The following DCAF5 variants were observed in gnomAD, a reference collection of about 807,000 sequenced individuals.
DCAF5 encodes the protein DDB1 and CUL4 associated factor 5.
In DCAF5, 9 loss-of-function variants were observed where a neutral mutation model predicts 80.7. That is an observed-to-expected ratio of 0.11 (90% CI 0.07 to 0.19). The LOEUF is 0.19. Ranked by LOEUF, DCAF5 falls within the 10% of genes least tolerant of loss-of-function variation. DCAF5 has a pLI of 1.00. For missense variants in DCAF5, 842 were observed against 1,205.7 expected (o/e 0.70, Z 4.47); for synonymous variants, 433 against 461.9 (o/e 0.94, Z 0.80).
Position 69,055,303 on chromosome 14 carries a change from A to C in DCAF5, c.1383T>G (p.Ser461=), listed in dbSNP as rs373889132. Residue 461 remains serine (S), a synonymous_variant, in exon 9 of 9, where the codon TCT becomes TCG. Coordinates refer to ENST00000341516, the MANE Select transcript of DCAF5 (RefSeq NM_003861.3). The surrounding 1 kb of genome is among the most constrained non-coding windows in gnomAD (Gnocchi z 5.6). ...SERSGYTDSE[S]SASLPRSPPP... ...GCGGGGAGCGAGGCAATGAGGCCGAAGACTCTGAGTCAGTGTAGCCTGAGC... is the reference window on the plus strand; with the variant it reads ...GCGGGGAGCGAGGCAATGAGGCCGACGACTCTGAGTCAGTGTAGCCTGAGC... 16 of 1,614,084 alleles carry C rather than the reference A, an allele frequency of 9.9e-6. No individual in the cohort carries two copies. The African/African-American group carries it at 1.2e-4, about 12-fold the overall frequency.
chr14:69,110,511 AACTGCCTCGGCCTCCC>A (rs991785014), intron 5 of DCAF5, among the ~76,000 whole-genome samples: 5 of 151,776 alleles, frequency 3.3e-5, no homozygotes, highest in Non-Finnish European at 7.4e-5. Flanking sequence ...CTTGTGATCC[AACTGCCTCGGCCTCCC>A]ACAGTGCTGG....
chr14:69,105,332 A>T (rs929699595), intron 5 of DCAF5, among the ~76,000 whole-genome samples: 3 of 152,240 alleles, frequency 2.0e-5, no homozygotes, highest in Admixed American at 6.5e-5. Flanking sequence ...ATAAAAAAGA[A>T]TGAGACACTA....
chr14:69,152,831 G>A lies in DCAF5; in HGVS notation c.148C>T (p.Leu50Phe). Residue 50 changes from leucine (L) to phenylalanine (F), a missense_variant, in exon 1 of 9, where the codon CTC (leucine) becomes TTC (phenylalanine). Coordinates refer to ENST00000341516, the MANE Select transcript of DCAF5 (RefSeq NM_003861.3). This position sits in a 1 kb window ranked among gnomAD's most constrained non-coding sequence, Gnocchi z 4.1. ...GCATTGACACAGCCGAAGTGGCCGA[G>A]GAGGTCCTTCTTGTAGAGGTTTCTG... is the stretch of plus-strand genomic sequence containing the variant. ...GCRNLYKKDL[L>F]GHFGCVNAIE... 7 of 1,614,118 alleles carry A rather than the reference G, an allele frequency of 4.3e-6. No individual in the cohort carries two copies. Among genetic ancestry groups the A allele is most frequent in the Non-Finnish European group, 5.9e-6 (7 of 1,179,990 alleles).
chr14:69,055,661 TC>T lies in DCAF5; in HGVS notation c.1075-51del, dbSNP rs144494429. On this transcript the variant is annotated intron_variant, in intron 8 of 8. Transcript: ENST00000341516. This position sits in a 1 kb window ranked among gnomAD's most constrained non-coding sequence, Gnocchi z 5.6. ...GCAACAAGGAGTAACTGGAAAGTAT[TC>T]TTTCACTGGTGGTGATAAAGAACAC... 3,963 of 1,533,992 alleles carry T rather than the reference TC, an allele frequency of 2.6e-3. 95 individuals are homozygous for T. In the African/African-American group the frequency reaches 0.046, roughly 18 times the overall value.
At chr14:69,103,084 T>C (rs779364959) in intron 5 of DCAF5, among the ~76,000 whole-genome samples, 1 of 152,224 alleles carries the variant, frequency 6.6e-6, no homozygotes, top group Non-Finnish European at 1.5e-5. Context: ...TGTGGGTCCA[T>C]TATTGACTGA....
chr14:69,152,188 G>A lies in DCAF5; in HGVS notation c.214+577C>T, dbSNP rs1566797729. Among the ~76,000 whole-genome samples, 1 of 152,178 alleles carries A rather than the reference G, an allele frequency of 6.6e-6. No individual in the cohort carries two copies. Among genetic ancestry groups the A allele is most frequent in the Non-Finnish European group, 1.5e-5 (1 of 68,030 alleles). ...GTGCTGGGCCTCTAAGAGCGCCGAG[G>A]GGGGCGGCCCACAGCGACCCTACCG... On this transcript the variant is annotated intron_variant, in intron 1 of 8. Transcript: ENST00000341516. The surrounding 1 kb of genome is among the most constrained non-coding windows in gnomAD (Gnocchi z 4.1).
chr14:69,090,847 T>C (rs1389794251), intron 6 of DCAF5: 3 of 473,660 alleles, frequency 6.3e-6, no homozygotes, highest in Non-Finnish European at 7.5e-6. Context: ...TTTTTCTTTT[T>C]CCCAATCTAT....
At chr14:69,119,120 G>T in intron 3 of DCAF5, 74 bp downstream of exon 3, 1 of 1,480,588 alleles carries the variant, frequency 6.8e-7, no homozygotes, top group Non-Finnish European at 9.2e-7. Context: ...AACTATTTTA[G>T]TCTAAAGAGA....
At chr14:69,058,559 C>T (rs1161596876) in intron 8 of DCAF5, among the ~76,000 whole-genome samples, 1 of 150,060 alleles carries the variant, frequency 6.7e-6, no homozygotes, top group Non-Finnish European at 1.5e-5. Flanking sequence ...TATGGCTAGA[C>T]ATGTCTCATA....
intron 1 of DCAF5, among the ~76,000 whole-genome samples, chr14:69,126,127 C>T (rs1035420541): frequency 1.4e-5 from 2 of 143,784 alleles, no homozygotes; most frequent in Admixed American, 6.9e-5. Context: ...TGAACAAAAT[C>T]AAAGAACTAA....
chr14:69,099,251 A>AACAC (rs60913200), intron 5 of DCAF5, among the ~76,000 whole-genome samples: 10,536 of 124,160 alleles, frequency 0.085, 524 homozygotes, highest in East Asian at 0.22. Flanking sequence ...ACTCTGTCTC[A>AACAC]ACACACACAC....
In DCAF5 at chr14:69,053,703, T is replaced by A; in HGVS notation, c.*154A>T. 1.5e-6 allele frequency: 1 copy of A among 670,484 alleles called. No individual in the cohort carries two copies. Among genetic ancestry groups the A allele is most frequent in the South Asian group, 2.1e-5 (1 of 47,508 alleles). 41.5% of individuals were successfully genotyped at this position (670,484 alleles called of 1,614,324 possible). The stretch of plus-strand genomic sequence containing the variant: ...CTAGACATTCAGACCCGTTGTTGAA[T>A]GTTGGATAGAAGGGAGCAGCATCAG... On this transcript the variant is annotated 3_prime_UTR_variant, in exon 9 of 9. Transcript: ENST00000341516.
intron 6 of DCAF5, among the ~76,000 whole-genome samples, chr14:69,088,165 A>G (rs1392404837): frequency 6.6e-6 from 1 of 152,030 alleles, no homozygotes; most frequent in Non-Finnish European, 1.5e-5. Context: ...AGCCCAATCC[A>G]CTTATTTTTG....
chr14:69,056,851 C>A (rs778802470), intron 8 of DCAF5, among the ~76,000 whole-genome samples: 2 of 152,172 alleles, frequency 1.3e-5, no homozygotes, highest in African/African-American at 2.4e-5. Flanking sequence ...GCTGAAGAAA[C>A]CTTCTAGATT....
chr14:69,065,759 G>A (rs2038414216), intron 7 of DCAF5, among the ~76,000 whole-genome samples: 1 of 152,198 alleles, frequency 6.6e-6, no homozygotes, highest in Non-Finnish European at 1.5e-5. Context: ...AAGTCAAAAT[G>A]CCAATATCAG....
rs998783803 is a variant in DCAF5 at position 69,099,999 on chromosome 14, C to A, written c.666-8112G>T. 3.9e-5 allele frequency among the ~76,000 whole-genome samples: 6 copies of A among 152,094 alleles called. No individual in the cohort carries two copies. The East Asian group carries it at 1.2e-3, about 29-fold the overall frequency. ...AAATTATTTAAGCTTTAAAAGGAAGCCAATTACAAGTTAAAAGAAAGTAGA... is the reference window on the plus strand; with the variant it reads ...AAATTATTTAAGCTTTAAAAGGAAGACAATTACAAGTTAAAAGAAAGTAGA... On this transcript the variant is annotated intron_variant, in intron 5 of 8. Coordinates refer to ENST00000341516, the MANE Select transcript of DCAF5 (RefSeq NM_003861.3).
Position 69,054,029 on chromosome 14 carries a change from G to C in DCAF5, c.2657C>G (p.Ser886Cys). The C allele has an allele frequency of 6.2e-7, 1 of 1,612,886 alleles. No individual in the cohort carries two copies. ...GTLLHKDCCG[S>C]EMACETPNAG... ...ATTGGGGGTCTCACAGGCCATTTCA[G>C]ACCCGCAACAATCTTTGTGTAGGAG... The change falls in exon 9 of 9, where the codon TCT becomes TGT. Residue 886 changes from serine (S) to cysteine (C), a missense_variant. By Grantham distance (112) the Ser-to-Cys change is moderately radical. Transcript: ENST00000341516.
intron 7 of DCAF5, among the ~76,000 whole-genome samples, chr14:69,066,137 GT>G (rs1212937696): frequency 1.1e-3 from 154 of 141,346 alleles, no homozygotes; most frequent in Middle Eastern, 7.4e-3. Context: ...TGCTGACACT[GT>G]TTTTTTTTTT....
chr14:69,090,651 C>T (rs2039499410), intron 6 of DCAF5: 1 of 155,418 alleles, frequency 6.4e-6, no homozygotes, highest in Non-Finnish European at 1.4e-5. Flanking sequence ...AAAATCCTAG[C>T]TTTTACTTCA....
Sources: gnomAD v4.1 joint callset for allele counts (sites outside exome capture counted in the v4.1 genomes callset) on GRCh38, gnomAD v4.1.1 for gene constraint, Gnocchi (gnomAD v3.1) non-coding constraint, MANE v1.5 for transcripts, NCBI Gene and HGNC (gene_info 2026-07-23, HGNC 2026-07-21) for gene names.